Variants in SLC25A21 observed in about 807,000 individuals in gnomAD.
The protein encoded by SLC25A21 is mitochondrial 2-oxodicarboxylate carrier.
SLC25A21 carries 47 observed loss-of-function variants against 43.8 expected under a neutral mutation model. The ratio of observed to expected loss-of-function variants is 1.07; its 90% CI spans 0.85 to 1.37. SLC25A21 has a LOEUF of 1.37. Ranked by LOEUF, SLC25A21 falls within the 40% of genes most tolerant of loss-of-function variation. The pLI, the probability that SLC25A21 is intolerant of heterozygous loss-of-function variation, is 0.00. For synonymous variants in SLC25A21, 131 were observed against 121.3 expected, an observed-to-expected ratio of 1.08 and a Z score of -0.52; for missense variants, 352 against 350.2, an observed-to-expected ratio of 1.00 and a Z score of -0.04.
At chr14:36,796,854 C>T (rs552968737) in intron 3 of SLC25A21, among the ~76,000 whole-genome samples, 2 of 152,252 alleles carry the variant, frequency 1.3e-5, no homozygotes, top group African/African-American at 2.4e-5. Context: ...AGGGAAAGAG[C>T]CAATGCACTT....
chr14:37,098,461 T>C (rs1234616719), intron 1 of SLC25A21: 1 of 152,152 alleles, frequency 6.6e-6, no homozygotes, highest in African/African-American at 2.4e-5. Context: ...TGGGAAATGT[T>C]AGGCAGGATA....
chr14:37,034,173 C>G (rs1029789333), intron 1 of SLC25A21, among the ~76,000 whole-genome samples: 1 of 152,026 alleles, frequency 6.6e-6, no homozygotes, highest in Non-Finnish European at 1.5e-5. Context: ...CCTGCCACTA[C>G]GCCCAGCTAA....
intron 1 of SLC25A21, among the ~76,000 whole-genome samples, chr14:36,976,275 C>T (rs531028301): frequency 6.6e-6 from 1 of 152,234 alleles, no homozygotes; most frequent in Non-Finnish European, 1.5e-5. Context: ...GCTCCTCATG[C>T]ATACACGTTA....
chr14:36,886,771 G>A (rs1890926721), intron 1 of SLC25A21, among the ~76,000 whole-genome samples: 1 of 152,098 alleles, frequency 6.6e-6, no homozygotes, highest in South Asian at 2.1e-4. Context: ...GTCAATTTCA[G>A]CTCAATATAA....
intron 1 of SLC25A21, among the ~76,000 whole-genome samples, chr14:36,934,049 A>T (rs908235478): frequency 6.6e-6 from 1 of 152,204 alleles, no homozygotes; most frequent in Non-Finnish European, 1.5e-5. Context: ...GATAAAAGGA[A>T]ATGATTAATT....
chr14:36,721,721 C>A (rs1884380084), intron 6 of SLC25A21, among the ~76,000 whole-genome samples: 1 of 152,212 alleles, frequency 6.6e-6, no homozygotes, highest in Admixed American at 6.5e-5. Context: ...CAAGGTTGAG[C>A]TCCAAGATGG....
intron 3 of SLC25A21, among the ~76,000 whole-genome samples, chr14:36,752,799 G>A (rs1885758426): frequency 6.6e-6 from 1 of 152,180 alleles, no homozygotes; most frequent in Non-Finnish European, 1.5e-5. Context: ...GAGTTCTCAA[G>A]AGATCTGATG....
rs1183849520 is a variant in SLC25A21 at position 36,679,506 on chromosome 14, G to C, written c.*1152C>G. On this transcript the variant is annotated 3_prime_UTR_variant, in exon 10 of 10. Coordinates refer to ENST00000331299, the MANE Select transcript of SLC25A21 (RefSeq NM_030631.4). ...ACTTTACTGAATCAGCATCATCTCTGGATGCAGATATAAAATCAAGTTTGG... is the reference window on the plus strand; with the variant it reads ...ACTTTACTGAATCAGCATCATCTCTCGATGCAGATATAAAATCAAGTTTGG... The C allele has an allele frequency of 1.0e-6, 1 of 985,180 alleles. No individual in the cohort carries two copies. Among genetic ancestry groups the C allele is most frequent in the Non-Finnish European group, 1.2e-6 (1 of 829,874 alleles). The allele number at this position is 985,180 out of a possible 1,614,324, so 61.0% of individuals were successfully genotyped here.
At chr14:36,735,244 A>G (rs1237486214) in intron 3 of SLC25A21, among the ~76,000 whole-genome samples, 2 of 152,174 alleles carry the variant, frequency 1.3e-5, no homozygotes, top group African/African-American at 2.4e-5. Flanking sequence ...TTGACGGGCA[A>G]CATGGTCAGA....
chr14:37,143,589 C>CGTGTGTGTGTGTGTGTGTGTGTGT (rs10531936), intron 1 of SLC25A21, among the ~76,000 whole-genome samples: 4 of 148,538 alleles, frequency 2.7e-5, no homozygotes, highest in African/African-American at 7.4e-5. Flanking sequence ...TGTTCATTAG[C>CGTGTGTGTGTGTGTGTGTGTGTGT]GTGTGTGTGT....
chr14:36,781,269 T>C (rs964118936), intron 3 of SLC25A21, among the ~76,000 whole-genome samples: 2 of 152,194 alleles, frequency 1.3e-5, no homozygotes, highest in Non-Finnish European at 2.9e-5. Flanking sequence ...TTTTATAGTT[T>C]TTTTAAATCC....
chr14:36,927,986 G>A (rs1457432816), intron 1 of SLC25A21, among the ~76,000 whole-genome samples: 1 of 152,084 alleles, frequency 6.6e-6, no homozygotes, highest in Non-Finnish European at 1.5e-5. Context: ...ATACAACCGA[G>A]GCAGTGGTAG....
intron 6 of SLC25A21, 46 bp downstream of exon 6, chr14:36,725,524 T>C (rs1295412295): frequency 3.9e-6 from 3 of 773,214 alleles, no homozygotes; most frequent in Non-Finnish European, 3.7e-6. Context: ...AATAAATAAA[T>C]AAATTTTTAC....
intron 2 of SLC25A21, chr14:36,870,769 C>T (rs1594655242): frequency 6.6e-6 from 1 of 152,216 alleles, no homozygotes; most frequent in East Asian, 1.9e-4. Flanking sequence ...GTCAAAGGTC[C>T]TTGCCTCTGG....
At chr14:37,034,248 C>A (rs1450654139) in intron 1 of SLC25A21, among the ~76,000 whole-genome samples, 3 of 152,054 alleles carry the variant, frequency 2.0e-5, no homozygotes, top group African/African-American at 7.2e-5. Flanking sequence ...GAATTCCTGA[C>A]GTTCAAGTGA....
intron 1 of SLC25A21, among the ~76,000 whole-genome samples, chr14:36,894,793 A>G (rs970032243): frequency 3.9e-5 from 6 of 152,230 alleles, no homozygotes; most frequent in African/African-American, 1.4e-4. Flanking sequence ...ATCTATTGAG[A>G]TAATCATGTG....
At chr14:36,972,698 G>C (rs538717208) in intron 1 of SLC25A21, among the ~76,000 whole-genome samples, 6 of 152,224 alleles carry the variant, frequency 3.9e-5, no homozygotes, top group African/African-American at 1.4e-4. Flanking sequence ...AAGCAATAGA[G>C]ACCATAAAGG....
chr14:37,016,770 G>A (rs570890130), intron 1 of SLC25A21, among the ~76,000 whole-genome samples: 3 of 152,112 alleles, frequency 2.0e-5, no homozygotes, highest in East Asian at 1.9e-4. Context: ...CTTCATCAAC[G>A]ATCTTAGCTA....
rs188159405 is a variant in SLC25A21, at chr14:37,107,260, C to T, written c.70+65021G>A. Among the ~76,000 whole-genome samples, 655 of 152,122 alleles carry T rather than the reference C, an allele frequency of 4.3e-3. 3 individuals are homozygous for T. Among genetic ancestry groups the T allele is most frequent in the African/African-American group, 0.015 (631 of 41,468 alleles). On this transcript the variant is annotated intron_variant, in intron 1 of 9. Coordinates refer to ENST00000331299, the MANE Select transcript of SLC25A21 (RefSeq NM_030631.4). Reference sequence around the variant, plus strand: ...TGGTATGATCATGGCTCACTGCAGCCTCAACTTCCTGGGCTCAAGCAATCC... The same window carrying T: ...TGGTATGATCATGGCTCACTGCAGCTTCAACTTCCTGGGCTCAAGCAATCC...
Sources: allele counts gnomAD v4.1 joint callset (sites outside exome capture counted in the v4.1 genomes callset), GRCh38; gene constraint gnomAD v4.1.1; transcripts MANE v1.5; gene names NCBI Gene and HGNC (gene_info 2026-07-23, HGNC 2026-07-21).